The following PES1 variants were observed in gnomAD, a reference collection of about 807,000 sequenced individuals.
PES1 encodes pescadillo ribosomal biogenesis factor 1, also known as pescadillo homolog.
In PES1, 31 loss-of-function variants were observed where a neutral mutation model predicts 77.1. The ratio of observed to expected loss-of-function variants is 0.40; its 90% CI spans 0.30 to 0.54. PES1 has a LOEUF of 0.54. PES1 is among the 20% of genes least tolerant of loss of function. The pLI, the probability that PES1 is intolerant of heterozygous loss-of-function variation, is 0.45. For missense variants in PES1, 658 were observed against 771.7 expected (o/e 0.85, Z 1.75); for synonymous variants, 282 against 303.0 (o/e 0.93, Z 0.72).
chr22:30,581,385 C>T lies in PES1; in HGVS notation c.771G>A (p.Glu257=). The change falls in exon 8 of 15, where the codon GAG becomes GAA. Residue 257 remains glutamate (E), a synonymous_variant. Transcript: ENST00000354694. Reference sequence around the variant, plus strand: ...CGTAGGTGCCCTCACCGGCCTTTGCCTCTGCTTGGGCCTGACCCTCGAGCT... The same window carrying T: ...CGTAGGTGCCCTCACCGGCCTTTGCTTCTGCTTGGGCCTGACCCTCGAGCT... The part of the protein sequence containing the change: ...PPKLEGQAQA[E]AKAGEGTYAL... The T allele has an allele frequency of 6.2e-7, 1 of 1,613,820 alleles. No individual in the cohort carries two copies. The highest frequency in any genetic ancestry group is 8.5e-7 in the Non-Finnish European group (1 of 1,180,038).
At chr22:30,580,252 C>T in intron 10 of PES1, 74 bp from the exon 11 acceptor site, 3 of 1,535,344 alleles carry the variant, frequency 2.0e-6, no homozygotes, top group African/African-American at 1.4e-5. Context: ...TCCCTGGGAC[C>T]TGCTGGCCAC....
intron 10 of PES1, 134 bp downstream of exon 10, chr22:30,580,437 G>A (rs995004101): frequency 5.5e-6 from 7 of 1,275,804 alleles, no homozygotes; most frequent in Middle Eastern, 1.9e-4. Flanking sequence ...GTGCGGTGCC[G>A]AGCACTTTCC....
rs185621979 is a variant in PES1 at position 30,601,162 on chromosome 22, C to G, written c.-661+4299G>C. Among the ~76,000 whole-genome samples, 416 of 148,760 alleles carry G rather than the reference C, an allele frequency of 2.8e-3. 1 individual carries two copies. Among genetic ancestry groups the G allele is most frequent in the Non-Finnish European group, 4.9e-3 (333 of 67,966 alleles). The stretch of plus-strand genomic sequence containing the variant: ...AGGATGTCACAAACCTGCCTAGATT[C>G]AAAGGGAGGGGAATTAGACTCATCT... On this transcript the variant is annotated intron_variant, in intron 2 of 16. Transcript: ENST00000402281.
At chr22:30,593,116 GA>G (rs1236563406), upstream of PES1, among the ~76,000 whole-genome samples, 1 of 152,156 alleles carries the variant, frequency 6.6e-6, no homozygotes, top group East Asian at 1.9e-4. Context: ...AAGCACTGGT[GA>G]ATACTTGTTT....
chr22:30,605,400 G>A (rs2087423606), intron 2 of PES1: 5 of 958,926 alleles, frequency 5.2e-6, no homozygotes, highest in South Asian at 4.8e-5. Context: ...CCTTTACTTC[G>A]ACACCCTAAC....
intron 2 of PES1, among the ~76,000 whole-genome samples, chr22:30,601,435 C>T (rs1288211020): frequency 4.6e-5 from 7 of 152,054 alleles, no homozygotes; most frequent in Non-Finnish European, 1.0e-4. Flanking sequence ...CTGCCTCAGC[C>T]CCGAGTAGCT....
At chr22:30,602,396 C>G (rs1298610542) in intron 2 of PES1, among the ~76,000 whole-genome samples, 1 of 151,022 alleles carries the variant, frequency 6.6e-6, no homozygotes, top group Non-Finnish European at 1.5e-5. Flanking sequence ...TTATAAATTA[C>G]CGAATTGCAG....
intron 1 of PES1, chr22:30,606,504 G>GC (rs2087446008): frequency 6.6e-6 from 1 of 152,378 alleles, no homozygotes; most frequent in Non-Finnish European, 1.5e-5. Context: ...GCCCGCCTCA[G>GC]CCTTTCAAAG....
chr22:30,605,631 C>T (rs942961751), intron 1 of PES1: 7 of 220,392 alleles, frequency 3.2e-5, no homozygotes, highest in African/African-American at 1.6e-4. Flanking sequence ...ACCATGACTC[C>T]CCTGAAGGTC....
intron 2 of PES1, among the ~76,000 whole-genome samples, chr22:30,597,267 T>A (rs1602026456): frequency 6.6e-6 from 1 of 151,862 alleles, no homozygotes; most frequent in Non-Finnish European, 1.5e-5. Flanking sequence ...AGAGCAGGAC[T>A]GGCAGGCAGC....
chr22:30,580,427 G>C lies in PES1; in HGVS notation c.1043+144C>G, dbSNP rs147014100. Reference sequence around the variant, plus strand: ...CTGCTGAGCACTTCCTATGTGCTCAGTGCGGTGCCGAGCACTTTCCACACA... The same window carrying C: ...CTGCTGAGCACTTCCTATGTGCTCACTGCGGTGCCGAGCACTTTCCACACA... On this transcript the variant is annotated intron_variant, in intron 10 of 14. Coordinates refer to ENST00000354694, the MANE Select transcript of PES1 (RefSeq NM_014303.4). The C allele has an allele frequency of 9.0e-5, 107 of 1,192,662 alleles. 1 individual carries two copies. The African/African-American group carries it at 1.5e-3, about 17-fold the overall frequency. 73.9% of individuals were successfully genotyped at this position (1,192,662 alleles called of 1,614,324 possible). A position where few individuals can be genotyped will look rare whatever the true frequency, so the allele number is the denominator to read the frequency against.
chr22:30,605,422 T>G, intron 2 of PES1: 1 of 984,080 alleles, frequency 1.0e-6, no homozygotes, highest in Non-Finnish European at 1.2e-6. Flanking sequence ...ACCTTGGGGA[T>G]CAGAAGTGAC....
rs779655448 is a variant in PES1, at chr22:30,589,311, T to C, written c.25-41A>G. The stretch of plus-strand genomic sequence containing the variant: ...AACAATTCTCCATTAGCAATGATTG[T>C]AGTGACTGACATCAAACTCTGGGCA... On this transcript the variant is annotated intron_variant, in intron 1 of 14. Transcript: ENST00000354694. 2.3e-5 allele frequency: 34 copies of C among 1,508,780 alleles called. No homozygotes were observed. The South Asian group carries it at 3.7e-4, about 16-fold the overall frequency. 93.5% of individuals were successfully genotyped at this position (1,508,780 alleles called of 1,614,324 possible).
At chr22:30,599,574 A>G (rs1335529013) in intron 2 of PES1, among the ~76,000 whole-genome samples, 2 of 152,206 alleles carry the variant, frequency 1.3e-5, no homozygotes, top group African/African-American at 4.8e-5. Context: ...TTTGTCTAAT[A>G]TCTCAGTTCT....
intron 14 of PES1, among the ~76,000 whole-genome samples, chr22:30,577,531 TTCTC>T (rs2086919584): frequency 6.6e-6 from 1 of 152,184 alleles, no homozygotes; most frequent in Admixed American, 6.5e-5. Context: ...GACAGGGTCT[TTCTC>T]TGTTGCTCAG....
chr22:30,605,238 C>A lies in PES1; in HGVS notation c.-661+223G>T, dbSNP rs540869355. Among the ~76,000 whole-genome samples the A allele has an allele frequency of 4.6e-5, 7 of 152,304 alleles. No individual in the cohort carries two copies. In the South Asian group the frequency reaches 1.2e-3, roughly 27 times the overall value. On this transcript the variant is annotated intron_variant, in intron 2 of 16. Transcript: ENST00000402281. ...CTGGTCTCAAACTTGTGGGCTCAAG[C>A]AATCCTCCTGCCTTGGCTTCCCAAA... is the stretch of plus-strand genomic sequence containing the variant.
At chr22:30,605,446 G>A in intron 2 of PES1, 1 of 985,152 alleles carries the variant, frequency 1.0e-6, no homozygotes, top group Non-Finnish European at 1.2e-6. Context: ...CTGGAAGGAT[G>A]CTGCTGCTTC....
intron 3 of PES1, 55 bp downstream of exon 3, chr22:30,587,966 A>T: frequency 1.3e-6 from 2 of 1,567,352 alleles, no homozygotes; most frequent in Non-Finnish European, 8.8e-7. Context: ...ACAGTTAGTT[A>T]GTGGGTCACA....
rs768769843 is a variant in PES1 at position 30,581,614 on chromosome 22, C to T, written c.661G>A (p.Ala221Thr). 12 of 1,586,586 alleles carry T rather than the reference C, an allele frequency of 7.6e-6. No homozygotes were observed. Among genetic ancestry groups the T allele is most frequent in the Non-Finnish European group, 1.0e-5 (12 of 1,169,770 alleles). Residue 221 changes from alanine to threonine, a missense_variant, in exon 7 of 15, where the codon GCC (alanine) becomes ACC (threonine). Ala to Thr is a moderately conservative substitution (Grantham distance 58). Transcript: ENST00000354694. ...GTGGTGTAGAACTCGGTGAAGGTGG[C>T]CATGACCCTGTAGTCCACGTCTGTC... ...HPTDVDYRVM[A>T]TFTEFYTTLL...
Sources: allele counts gnomAD v4.1 joint callset (sites outside exome capture counted in the v4.1 genomes callset), GRCh38; gene constraint gnomAD v4.1.1; transcripts MANE v1.5; gene names NCBI Gene and HGNC (gene_info 2026-07-23, HGNC 2026-07-21).